The following ADGRV1 variants were observed in gnomAD, a reference collection of about 807,000 sequenced individuals.
ADGRV1 encodes the protein adhesion G protein-coupled receptor V1.
A neutral mutation model predicts 596.2 loss-of-function variants in ADGRV1; 359 were observed. That is an observed-to-expected ratio of 0.60 (90% CI 0.55 to 0.66). The LOEUF (loss-of-function observed/expected upper bound fraction) is 0.66, where lower values mean the gene tolerates loss of function less well. Ranked by LOEUF, ADGRV1 falls within the 30% of genes least tolerant of loss-of-function variation. The probability of loss-of-function intolerance (pLI) is 0.00; values close to 1 mark genes in which losing one functional copy is unlikely to be tolerated. For missense variants in ADGRV1, 7,274 were observed against 7,575.6 expected (o/e 0.96, Z 1.48); for synonymous variants, 2,681 against 2,679.2 (o/e 1.00, Z -0.02).
rs375776993 is a variant in ADGRV1, at chr5:90,729,889, T to TG, written c.10549+129dup. 4.2e-5 allele frequency: 38 copies of TG among 912,632 alleles called. No homozygotes were observed. The Middle Eastern group carries it at 9.3e-4, about 22-fold the overall frequency. 56.5% of individuals were successfully genotyped at this position (912,632 alleles called of 1,614,324 possible). A position where few individuals can be genotyped will look rare whatever the true frequency, so the allele number is the denominator to read the frequency against. ...CTGGGTATTTTTTTTTTTTTGGAGA[T>TG]GGGGTCTAGCTGTGTTGCCCAGGCT... On this transcript the variant is annotated intron_variant, in intron 50 of 89. Transcript: ENST00000405460.
intron 1 of ADGRV1, among the ~76,000 whole-genome samples, chr5:90,605,304 A>G (rs1761962469): frequency 6.6e-6 from 1 of 151,862 alleles, no homozygotes; most frequent in Admixed American, 6.6e-5. Context: ...AGTCCCAGCT[A>G]CTCAGGAGGC....
chr5:90,763,163 A>T (rs1457384615), intron 58 of ADGRV1, 142 bp from the exon 59 acceptor site: 1 of 758,100 alleles, frequency 1.3e-6, no homozygotes, highest in Admixed American at 3.2e-5. Context: ...GGTAAAAAAA[A>T]TTTTTCTGCC....
chr5:91,135,846 G>A (rs1036202396), intron 87 of ADGRV1, among the ~76,000 whole-genome samples: 1 of 152,198 alleles, frequency 6.6e-6, no homozygotes, highest in Non-Finnish European at 1.5e-5. Flanking sequence ...GCAGGGTATA[G>A]TATTGGGTTA....
At chr5:91,093,062 A>G (rs984935970) in intron 86 of ADGRV1, among the ~76,000 whole-genome samples, 31 of 152,188 alleles carry the variant, frequency 2.0e-4, no homozygotes, top group African/African-American at 7.5e-4. Flanking sequence ...GGAACATGGA[A>G]TTTGTCTTAT....
chr5:90,802,849 C>A lies in ADGRV1; in HGVS notation c.14628C>A (p.Val4876=). 6.2e-7 allele frequency: 1 copy of A among 1,609,808 alleles called. No individual in the cohort carries two copies. The highest frequency in any genetic ancestry group is 1.3e-5 in the African/African-American group (1 of 74,972). The change falls in exon 71 of 90, where the codon GTC becomes GTA. Residue 4876 remains valine (V), a synonymous_variant. Coordinates refer to ENST00000405460, the MANE Select transcript of ADGRV1 (RefSeq NM_032119.4). ...PTILQEAKSA[V]LPVSEKAANS... ...TTCTTCAGGAAGCAAAATCTGCTGTCCTTCCAGTCTCTGAGAAAGCTGCCA... is the reference window on the plus strand; with the variant it reads ...TTCTTCAGGAAGCAAAATCTGCTGTACTTCCAGTCTCTGAGAAAGCTGCCA...
At chr5:90,855,623 C>G (rs1269852876) in intron 81 of ADGRV1, 118 bp from the exon 82 acceptor site, 2 of 632,672 alleles carry the variant, frequency 3.2e-6, no homozygotes, top group Non-Finnish European at 5.5e-6. Context: ...AAAATGTGGT[C>G]TACTTAAGTC....
At chr5:90,595,734 G>T (rs377329736) in intron 1 of ADGRV1, among the ~76,000 whole-genome samples, 7 of 136,872 alleles carry the variant, frequency 5.1e-5, no homozygotes, top group Non-Finnish European at 9.7e-5. Context: ...CAGTAGGGGC[G>T]GCCGGGCAGA....
At chr5:91,084,600 G>T (rs181884796) in intron 86 of ADGRV1, among the ~76,000 whole-genome samples, 60 of 152,306 alleles carry the variant, frequency 3.9e-4, no homozygotes, top group African/African-American at 1.3e-3. Context: ...AGAGGATGTG[G>T]AGAAATAGGA....
intron 87 of ADGRV1, among the ~76,000 whole-genome samples, chr5:91,129,421 G>A (rs907372931): frequency 2.0e-5 from 3 of 152,100 alleles, no homozygotes; most frequent in Admixed American, 1.3e-4. Flanking sequence ...GTATAGTACT[G>A]TTTGTTGGTT....
At chr5:90,560,933 A>C (rs980016039) in intron 1 of ADGRV1, among the ~76,000 whole-genome samples, 17 of 152,252 alleles carry the variant, frequency 1.1e-4, no homozygotes, top group Admixed American at 2.0e-4. Context: ...GAAGGTACTC[A>C]TGCTTGAGAC....
chr5:90,769,469 G>A lies in ADGRV1; in HGVS notation c.12286-4717G>A, dbSNP rs1025462665. Among the ~76,000 whole-genome samples, 4 of 152,128 alleles carry A rather than the reference G, an allele frequency of 2.6e-5. No individual in the cohort carries two copies. In the South Asian group the frequency reaches 6.2e-4, roughly 24 times the overall value. ...TAAAATGGTCCTGGGAAGATAAGAG[G>A]AAAGAAATATACAGAGAACAACTAT... On this transcript the variant is annotated intron_variant, in intron 59 of 89. Coordinates refer to ENST00000405460, the MANE Select transcript of ADGRV1 (RefSeq NM_032119.4).
chr5:90,941,214 T>C (rs1245023714), intron 83 of ADGRV1, among the ~76,000 whole-genome samples: 2 of 151,938 alleles, frequency 1.3e-5, no homozygotes, highest in Non-Finnish European at 2.9e-5. Context: ...AGTTACAATA[T>C]TGTAGAATGT....
intron 71 of ADGRV1, 115 bp from the exon 72 acceptor site, chr5:90,805,169 A>G: frequency 1.6e-6 from 1 of 630,640 alleles, no homozygotes; most frequent in Non-Finnish European, 2.4e-6. Flanking sequence ...TTAATTCAGT[A>G]TGAGACAAGG....
Position 90,706,348 on chromosome 5 carries a change from TAGA to T in ADGRV1, c.8690_8692del (p.Glu2897del), listed in dbSNP as rs1431308575. On this transcript the variant is annotated inframe_deletion, in exon 38 of 90. Coordinates refer to ENST00000405460, the MANE Select transcript of ADGRV1 (RefSeq NM_032119.4). ...GTCCCTATCATTGGCTTTCTGATTT[TAGA>T]AGAAGGGGAAACAGCAGCAGCCATC... is the stretch of plus-strand genomic sequence containing the variant. The T allele has an allele frequency of 1.2e-6, 2 of 1,612,682 alleles. No homozygotes were observed. The highest frequency in any genetic ancestry group is 2.2e-5 in the East Asian group (1 of 44,840).
At chr5:90,724,140 A>G (rs1751449334) in intron 45 of ADGRV1, among the ~76,000 whole-genome samples, 1 of 152,194 alleles carries the variant, frequency 6.6e-6, no homozygotes, top group Non-Finnish European at 1.5e-5. Flanking sequence ...ATTTATTATT[A>G]TAAAATTTCT....
chr5:90,736,689 G>A (rs948538544), intron 50 of ADGRV1, among the ~76,000 whole-genome samples: 3 of 151,938 alleles, frequency 2.0e-5, no homozygotes, highest in African/African-American at 4.8e-5. Context: ...TCATGATTCA[G>A]TCTTAGTAGG....
intron 85 of ADGRV1, among the ~76,000 whole-genome samples, chr5:91,020,565 G>T (rs548407998): frequency 6.6e-6 from 1 of 152,150 alleles, no homozygotes; most frequent in South Asian, 2.1e-4. Context: ...ACTCTGGACT[G>T]TCTGTGTTCT....
intron 85 of ADGRV1, among the ~76,000 whole-genome samples, chr5:91,057,704 G>T (rs1787012443): frequency 6.6e-6 from 1 of 152,090 alleles, no homozygotes; most frequent in Non-Finnish European, 1.5e-5. Flanking sequence ...TTTTGGATGG[G>T]GAAAGGGCCT....
At chr5:90,747,446 A>C (rs534248248) in intron 52 of ADGRV1, among the ~76,000 whole-genome samples, 1 of 152,284 alleles carries the variant, frequency 6.6e-6, no homozygotes, top group East Asian at 1.9e-4. Context: ...AGAATACAAA[A>C]TAAAATCATT....
Sources: gnomAD v4.1 joint callset for allele counts (sites outside exome capture counted in the v4.1 genomes callset) on GRCh38, gnomAD v4.1.1 for gene constraint, MANE v1.5 for transcripts, NCBI Gene and HGNC (gene_info 2026-07-23, HGNC 2026-07-21) for gene names.